Variants in NIBAN3 observed in about 807,000 individuals in gnomAD.
NIBAN3 encodes the protein protein Niban 3.
NIBAN3 carries 66 observed loss-of-function variants against 76.4 expected under a neutral mutation model. The observed-to-expected ratio is 0.86, with a 90% confidence interval of 0.71 to 1.06. The LOEUF is 1.06. Ranked by LOEUF, NIBAN3 falls within the 50% of genes least tolerant of loss-of-function variation. The probability of loss-of-function intolerance (pLI) is 0.00; values close to 1 mark genes in which losing one functional copy is unlikely to be tolerated. For synonymous variants in NIBAN3, 360 were observed against 355.2 expected (o/e 1.01, Z -0.15); for missense variants, 808 against 810.7 (o/e 1.00, Z 0.04).
chr19:17,534,790 C>CAA (rs751685692), intron 4 of NIBAN3, among the ~76,000 whole-genome samples: 808 of 75,654 alleles, frequency 0.011, 18 homozygotes, highest in Middle Eastern at 0.026. Flanking sequence ...GACTCCATCT[C>CAA]AAAAAAAAAA....
Position 17,553,489 on chromosome 19 carries a change from G to A in NIBAN3, c.*1591G>A. 6.2e-7 allele frequency: 1 copy of A among 1,614,218 alleles called. No homozygotes were observed. ...CCGTGTGTTCTTGGTTCAGCTTGCAGAGGGACTTTCACACTCCCTGGAGAC... is the reference window on the plus strand; with the variant it reads ...CCGTGTGTTCTTGGTTCAGCTTGCAAAGGGACTTTCACACTCCCTGGAGAC... On this transcript the variant is annotated 3_prime_UTR_variant, in exon 15 of 15. Coordinates refer to ENST00000599164, the MANE Select transcript of NIBAN3 (RefSeq NM_001321827.2).
In NIBAN3 at chr19:17,553,494, A is replaced by C. The variant is rs2076187176; in HGVS notation, c.*1596A>C. ...TGTTCTTGGTTCAGCTTGCAGAGGG[A>C]CTTTCACACTCCCTGGAGACCGTTT... On this transcript the variant is annotated 3_prime_UTR_variant, in exon 15 of 15. Coordinates refer to ENST00000599164, the MANE Select transcript of NIBAN3 (RefSeq NM_001321827.2). 3 of 1,614,134 alleles carry C rather than the reference A, an allele frequency of 1.9e-6. No individual in the cohort carries two copies. Among genetic ancestry groups the C allele is most frequent in the East Asian group, 4.5e-5 (2 of 44,880 alleles).
In NIBAN3 at chr19:17,542,814, A is replaced by C. The variant is rs2075980383; in HGVS notation, c.1330-503A>C. 6.6e-6 allele frequency among the ~76,000 whole-genome samples: 1 copy of C among 152,116 alleles called. No homozygotes were observed. Among genetic ancestry groups the C allele is most frequent in the Non-Finnish European group, 1.5e-5 (1 of 68,008 alleles). ...TAAGGTTTAGGAAGCTTTGCCTGCC[A>C]TAGGGAGCACAGGCTGTTGGGGACA... is the stretch of plus-strand genomic sequence containing the variant. On this transcript the variant is annotated intron_variant, in intron 10 of 14. Transcript: ENST00000599164. This position sits in a 1 kb window ranked among gnomAD's most constrained non-coding sequence, Gnocchi z 4.8.
chr19:17,551,683 G>A (rs1025781899), intron 14 of NIBAN3, 103 bp from the exon 15 acceptor site: 4 of 581,994 alleles, frequency 6.9e-6, no homozygotes, highest in African/African-American at 3.7e-5. Context: ...GAGCCATTGC[G>A]CCCAGCCAAC....
At chr19:17,550,843 C>CATTT (rs34977620) in intron 14 of NIBAN3, among the ~76,000 whole-genome samples, 1 of 91,550 alleles carries the variant, frequency 1.1e-5, no homozygotes, top group East Asian at 3.3e-4. Flanking sequence ...CTTGTACATA[C>CATTT]TTTTTTTTTT....
At chr19:17,537,849 G>A (rs1599729119) in intron 5 of NIBAN3, among the ~76,000 whole-genome samples, 1 of 152,244 alleles carries the variant, frequency 6.6e-6, no homozygotes, top group African/African-American at 2.4e-5. Flanking sequence ...GGGAGGCTGA[G>A]GCAGGAGAAT....
At chr19:17,539,101 A>T (rs2075884107) in intron 5 of NIBAN3, 49 bp from the exon 6 acceptor site, 21 of 1,486,640 alleles carry the variant, frequency 1.4e-5, no homozygotes, top group Non-Finnish European at 1.9e-5. Context: ...GGCCATCGGG[A>T]GCCAGGCAGG....
chr19:17,549,975 A>G (rs2076128635), intron 14 of NIBAN3, among the ~76,000 whole-genome samples: 1 of 151,966 alleles, frequency 6.6e-6, no homozygotes, highest in South Asian at 2.1e-4. Flanking sequence ...ACATGCCACC[A>G]TGCCCAGCTA....
In NIBAN3 at chr19:17,530,748, C is replaced by T. The variant is rs969452403; in HGVS notation, c.56-7C>T. ...TTGCTGGGTTCACTGTCCCCTTGTC[C>T]CTGCAGGTCAGGTGGACACCCTGCT... On this transcript the variant is annotated splice_region_variant and splice_polypyrimidine_tract_variant and intron_variant, in intron 1 of 14. Transcript: ENST00000599164. 3.7e-6 allele frequency: 6 copies of T among 1,602,086 alleles called. No homozygotes were observed. Among genetic ancestry groups the T allele is most frequent in the Non-Finnish European group, 5.1e-6 (6 of 1,172,224 alleles).
Position 17,551,969 on chromosome 19 carries a change from T to C in NIBAN3, c.*71T>C. On this transcript the variant is annotated 3_prime_UTR_variant, in exon 15 of 15. Coordinates refer to ENST00000599164, the MANE Select transcript of NIBAN3 (RefSeq NM_001321827.2). Reference sequence around the variant, plus strand: ...AGTGGAATTTCTGGGCCAAAACGGATGTGCCATCTTTAGGCTTTTGTAACC... The same window carrying C: ...AGTGGAATTTCTGGGCCAAAACGGACGTGCCATCTTTAGGCTTTTGTAACC... 4.3e-6 allele frequency: 3 copies of C among 690,136 alleles called. No individual in the cohort carries two copies. Among genetic ancestry groups the C allele is most frequent in the South Asian group, 3.1e-5 (2 of 65,012 alleles). 42.8% of individuals were successfully genotyped at this position (690,136 alleles called of 1,614,324 possible). A position where few individuals can be genotyped will look rare whatever the true frequency, so the allele number is the denominator to read the frequency against.
intron 1 of NIBAN3, among the ~76,000 whole-genome samples, chr19:17,529,979 T>G (rs866365109): frequency 8.6e-5 from 13 of 151,896 alleles, no homozygotes; most frequent in Middle Eastern, 3.4e-3. Flanking sequence ...GAGGATCACT[T>G]GAGCCCAGGA....
chr19:17,545,156 A>ATTTT (rs2076026633), intron 12 of NIBAN3: 2 of 142,844 alleles, frequency 1.4e-5, no homozygotes, highest in Admixed American at 7.5e-5. Flanking sequence ...GAGAGAGACT[A>ATTTT]TTTTATTTAT....
At chr19:17,541,591 T>C (rs2075953056) in intron 9 of NIBAN3, among the ~76,000 whole-genome samples, 1 of 152,220 alleles carries the variant, frequency 6.6e-6, no homozygotes, top group Admixed American at 6.5e-5. Flanking sequence ...TCGCTTGTTA[T>C]AGTTTTTTCA....
chr19:17,534,543 G>A (rs1349186883), intron 4 of NIBAN3, among the ~76,000 whole-genome samples: 2 of 151,990 alleles, frequency 1.3e-5, no homozygotes, highest in East Asian at 3.9e-4. Context: ...TGTAATCCCA[G>A]CACTTTGGGA....
intron 14 of NIBAN3, among the ~76,000 whole-genome samples, chr19:17,551,127 C>T (rs754253900): frequency 4.6e-5 from 7 of 151,900 alleles, no homozygotes; most frequent in East Asian, 1.9e-4. Context: ...GATGGAGTGT[C>T]GCTCTGTCAC....
intron 1 of NIBAN3, among the ~76,000 whole-genome samples, chr19:17,528,383 T>C (rs1341449831): frequency 6.6e-6 from 1 of 152,170 alleles, no homozygotes; most frequent in Non-Finnish European, 1.5e-5. Context: ...TGAGCCACTG[T>C]GCCCAGAAGA....
At chr19:17,553,687 G>T (rs78256011), downstream of NIBAN3, 192 of 805,916 alleles carry the variant, frequency 2.4e-4, 1 homozygote, top group East Asian at 4.1e-3. Context: ...GGATGTAGAT[G>T]TTAATTCTGG....
At position 17,552,080 on chromosome 19, in the gene NIBAN3, A is replaced by ATTTTTTT; in HGVS notation, c.*192_*198dup. 1 of 298,348 alleles carries ATTTTTTT rather than the reference A, an allele frequency of 3.4e-6. No homozygotes were observed. Among genetic ancestry groups the ATTTTTTT allele is most frequent in the African/African-American group, 2.4e-5 (1 of 42,198 alleles). 18.5% of individuals were successfully genotyped at this position (298,348 alleles called of 1,614,324 possible). A position where few individuals can be genotyped will look rare whatever the true frequency, so the allele number is the denominator to read the frequency against. On this transcript the variant is annotated 3_prime_UTR_variant, in exon 15 of 15. Coordinates refer to ENST00000599164, the MANE Select transcript of NIBAN3 (RefSeq NM_001321827.2). ...TTTCCCCAAGGCTTTCTTTATTTTA[A>ATTTTTTT]TTTTTTTTTTTTTTTTGAGACTGAG...
downstream of NIBAN3, chr19:17,553,657 T>C (rs946277731): frequency 1.6e-5 from 17 of 1,090,508 alleles, no homozygotes; most frequent in South Asian, 2.2e-4. Context: ...TCTTTAGCTG[T>C]CTTCCTTTTA....
Sources: allele counts gnomAD v4.1 joint callset (sites outside exome capture counted in the v4.1 genomes callset), GRCh38; gene constraint gnomAD v4.1.1; non-coding constraint Gnocchi (gnomAD v3.1); transcripts MANE v1.5; gene names NCBI Gene and HGNC (gene_info 2026-07-23, HGNC 2026-07-21).